The following DPH6 variants were observed in gnomAD, a reference collection of about 807,000 sequenced individuals.
The protein encoded by DPH6 is diphthine--ammonia ligase.
DPH6 carries 33 observed loss-of-function variants against 38.2 expected under a neutral mutation model. That is an observed-to-expected ratio of 0.86 (90% CI 0.65 to 1.15). The LOEUF is 1.15. DPH6 is among the 50% of genes most tolerant of loss of function. DPH6 has a pLI of 0.00. For missense variants in DPH6, 325 were observed against 320.0 expected (o/e 1.02, Z -0.12); for synonymous variants, 108 against 103.0 (o/e 1.05, Z -0.30).
At chr15:35,477,648 G>A (rs574760515) in intron 3 of DPH6, among the ~76,000 whole-genome samples, 2 of 151,884 alleles carry the variant, frequency 1.3e-5, no homozygotes, top group African/African-American at 4.8e-5. Flanking sequence ...CCTAAAATTA[G>A]TTCTTCTAAA....
At chr15:35,353,561 G>C (rs1164546041) in intron 3 of DPH6, among the ~76,000 whole-genome samples, 2 of 152,082 alleles carry the variant, frequency 1.3e-5, no homozygotes, top group Admixed American at 6.5e-5. Context: ...TCTTGTTTTT[G>C]TCAGATTTGT....
chr15:35,398,433 C>T (rs1268773791), intron 6 of DPH6, among the ~76,000 whole-genome samples: 3 of 152,128 alleles, frequency 2.0e-5, no homozygotes, highest in Non-Finnish European at 4.4e-5. Context: ...ATCAATCACA[C>T]CTACATAATG....
the DPH6 span, among the ~76,000 whole-genome samples, chr15:35,176,753 G>T: frequency 3.9e-5 from 6 of 152,214 alleles, no homozygotes; most frequent in African/African-American, 1.2e-4. Context: ...TTACAGGCGT[G>T]AGCCACCGTG....
intron 3 of DPH6, among the ~76,000 whole-genome samples, chr15:35,514,164 T>C (rs2054814258): frequency 6.6e-6 from 1 of 151,878 alleles, no homozygotes; most frequent in Non-Finnish European, 1.5e-5. Context: ...ATTTGGCACC[T>C]TATAACTATG....
At chr15:35,238,784 C>T (rs318347) in intron 3 of DPH6, among the ~76,000 whole-genome samples, 80,899 of 151,434 alleles carry the variant, frequency 0.53, 24,794 homozygotes, top group Non-Finnish European at 0.7. Flanking sequence ...GTGTTCCTGC[C>T]CCACTTTAAC....
chr15:35,393,838 TA>T (rs1209299887), intron 6 of DPH6, among the ~76,000 whole-genome samples: 2 of 152,152 alleles, frequency 1.3e-5, no homozygotes, highest in Non-Finnish European at 2.9e-5. Context: ...TGAGGAAAGT[TA>T]AAAAAGAAAT....
chr15:35,178,821 T>C, the DPH6 span, among the ~76,000 whole-genome samples: 1 of 152,094 alleles, frequency 6.6e-6, no homozygotes, highest in South Asian at 2.1e-4. Context: ...AATACTCAAC[T>C]GTAAGCTTTT....
At chr15:35,417,315 T>C (rs1056359590) in intron 5 of DPH6, among the ~76,000 whole-genome samples, 1 of 152,072 alleles carries the variant, frequency 6.6e-6, no homozygotes, top group African/African-American at 2.4e-5. Context: ...TTATCTATAA[T>C]TATGAAGCTC....
At chr15:35,365,954 C>A, downstream of DPH6, 1 of 985,274 alleles carries the variant, frequency 1.0e-6, no homozygotes, top group Non-Finnish European at 1.2e-6. Flanking sequence ...CTTGACAAAT[C>A]ACTTTTCTGC....
chr15:35,399,061 T>G (rs2053184488), intron 6 of DPH6, among the ~76,000 whole-genome samples: 1 of 152,176 alleles, frequency 6.6e-6, no homozygotes, highest in African/African-American at 2.4e-5. Flanking sequence ...CTCCCTGCTC[T>G]TAAATATTAG....
chr15:35,173,394 C>T, the DPH6 span, among the ~76,000 whole-genome samples: 1 of 152,130 alleles, frequency 6.6e-6, no homozygotes, highest in Non-Finnish European at 1.5e-5. Flanking sequence ...GCCTATTTCT[C>T]TCTGTTGTTT....
At chr15:35,520,234 A>C (rs35037766) in intron 3 of DPH6, 17,234 of 810,048 alleles carry the variant, frequency 0.021, 947 homozygotes, top group African/African-American at 0.14. Flanking sequence ...AAAAAACAAA[A>C]AAAAAACAAA....
At chr15:35,516,354 T>C (rs747298885) in intron 3 of DPH6, among the ~76,000 whole-genome samples, 1 of 152,210 alleles carries the variant, frequency 6.6e-6, no homozygotes, top group Non-Finnish European at 1.5e-5. Flanking sequence ...CAAGTAAGTA[T>C]GTAATAGTTA....
chr15:35,204,968 T>C, the DPH6 span, among the ~76,000 whole-genome samples: 1 of 151,864 alleles, frequency 6.6e-6, no homozygotes, highest in Non-Finnish European at 1.5e-5. Context: ...ACACAGATAG[T>C]GAGAAACTGA....
the DPH6 span, among the ~76,000 whole-genome samples, chr15:35,206,977 T>C: frequency 2.7e-5 from 4 of 145,942 alleles, no homozygotes; most frequent in Non-Finnish European, 4.5e-5. Context: ...TAAAAAGATA[T>C]GGAAAAAGGA....
chr15:35,320,615 T>G (rs1479516255), intron 3 of DPH6, among the ~76,000 whole-genome samples: 1 of 152,228 alleles, frequency 6.6e-6, no homozygotes, highest in Non-Finnish European at 1.5e-5. Context: ...TCTAGTTCCC[T>G]GCAGTTGTTA....
At chr15:35,405,367 G>A (rs2053277824) in intron 6 of DPH6, among the ~76,000 whole-genome samples, 1 of 151,828 alleles carries the variant, frequency 6.6e-6, no homozygotes, top group Non-Finnish European at 1.5e-5. Context: ...ATTTTTTAAT[G>A]TCCACTTCAA....
chr15:35,460,934 G>C (rs2054059065), intron 3 of DPH6, among the ~76,000 whole-genome samples: 1 of 139,746 alleles, frequency 7.2e-6, no homozygotes, highest in Non-Finnish European at 1.5e-5. Context: ...TTCATTACTA[G>C]AACTATTTCC....
chr15:35,263,922 C>A (rs954735329), intron 3 of DPH6, among the ~76,000 whole-genome samples: 3 of 152,010 alleles, frequency 2.0e-5, no homozygotes, highest in Non-Finnish European at 4.4e-5. Flanking sequence ...ACCGTGTTAG[C>A]CAGGATGGTC....
Sources: allele counts gnomAD v4.1 joint callset (sites outside exome capture counted in the v4.1 genomes callset), GRCh38; gene constraint gnomAD v4.1.1; transcripts MANE v1.5; gene names NCBI Gene and HGNC (gene_info 2026-07-23, HGNC 2026-07-21).